Variants in ANK2 observed in about 807,000 individuals in gnomAD.
ANK2 encodes the protein ankyrin-2.
A neutral mutation model predicts 360.5 loss-of-function variants in ANK2; 83 were observed. The ratio of observed to expected loss-of-function variants is 0.23; its 90% confidence interval spans 0.19 to 0.28. ANK2 has a LOEUF of 0.28. Among genes scored for constraint, ANK2 ranks in the 10% least tolerant of loss-of-function variants. ANK2 has a pLI of 1.00. For missense variants in ANK2, 4,201 were observed against 4,795.7 expected, an observed-to-expected ratio of 0.88 and a Z score of 3.66; for synonymous variants, 1,740 against 1,759.5, an observed-to-expected ratio of 0.99 and a Z score of 0.28.
Position 112,945,973 on chromosome 4 carries a change from G to T in ANK2, c.21+41459G>T, listed in dbSNP as rs535399641. ...GGGTGGTTCAGGAAACAGTGACTGG[G>T]AGAGAGTTAGTGTAGCTGAGTCAGC... On this transcript the variant is annotated intron_variant, in intron 2 of 30. Transcript: ENST00000503271. Among the ~76,000 whole-genome samples, 22 of 152,316 alleles carry T rather than the reference G, an allele frequency of 1.4e-4. No individual in the cohort carries two copies. The Middle Eastern group carries it at 0.014, about 94-fold the overall frequency.
intron 2 of ANK2, among the ~76,000 whole-genome samples, chr4:113,187,616 TCA>T (rs2098554201): frequency 6.6e-6 from 1 of 152,152 alleles, no homozygotes; most frequent in African/African-American, 2.4e-5. Context: ...AAAGAAAAGC[TCA>T]CAGAGTATAC....
chr4:112,753,422 C>T, the ANK2 span, among the ~76,000 whole-genome samples: 3 of 152,216 alleles, frequency 2.0e-5, no homozygotes, highest in African/African-American at 7.2e-5. Context: ...TTAGAGCCTA[C>T]TACACACCCA....
intron 2 of ANK2, among the ~76,000 whole-genome samples, chr4:113,022,291 C>T (rs77695246): frequency 0.013 from 1,906 of 152,226 alleles, 40 homozygotes; most frequent in African/African-American, 0.043. Context: ...AGAGGAAAAG[C>T]ATTACTTCTA....
At chr4:113,102,251 T>C (rs568495473) in intron 1 of ANK2, among the ~76,000 whole-genome samples, 2 of 152,078 alleles carry the variant, frequency 1.3e-5, no homozygotes, top group African/African-American at 2.4e-5. Flanking sequence ...GAAAAATTTA[T>C]AAGACTCAGG....
the ANK2 span, among the ~76,000 whole-genome samples, chr4:112,808,254 A>G: frequency 6.6e-6 from 1 of 152,234 alleles, no homozygotes; most frequent in African/African-American, 2.4e-5. Context: ...TGGGTTCCCT[A>G]TTTCAAGAGG....
At chr4:113,085,586 C>T (rs976614915) in intron 1 of ANK2, among the ~76,000 whole-genome samples, 2 of 152,124 alleles carry the variant, frequency 1.3e-5, no homozygotes, top group East Asian at 1.9e-4. Flanking sequence ...GGATTACAGA[C>T]GTGAGCCACC....
intron 2 of ANK2, among the ~76,000 whole-genome samples, chr4:112,917,673 A>G (rs572585922): frequency 3.8e-4 from 58 of 152,322 alleles, no homozygotes; most frequent in African/African-American, 1.3e-3. Context: ...GTAGGCTCAG[A>G]AACTAAGTTT....
chr4:113,319,834 T>C (rs751241578), intron 26 of ANK2, among the ~76,000 whole-genome samples: 5 of 152,310 alleles, frequency 3.3e-5, no homozygotes, highest in Admixed American at 1.3e-4. Flanking sequence ...CATTGCATTC[T>C]GCTAATGAAC....
At chr4:112,970,345 C>CTAACTAAT (rs1554026511) in intron 2 of ANK2, among the ~76,000 whole-genome samples, 21 of 151,808 alleles carry the variant, frequency 1.4e-4, no homozygotes, top group Middle Eastern at 6.8e-3. Context: ...TTCATTTTAA[C>CTAACTAAT]TAATTAATTA....
At chr4:113,216,743 C>T (rs1159216050) in intron 4 of ANK2, among the ~76,000 whole-genome samples, 7 of 152,050 alleles carry the variant, frequency 4.6e-5, no homozygotes, top group African/African-American at 1.4e-4. Context: ...ACAAGTATAA[C>T]GAGTGGGCAG....
chr4:113,118,924 T>A (rs2095117534), intron 1 of ANK2, among the ~76,000 whole-genome samples: 1 of 152,208 alleles, frequency 6.6e-6, no homozygotes, highest in East Asian at 1.9e-4. Context: ...TAGAGTACCA[T>A]GCATACACCT....
At chr4:113,282,998 C>T in intron 18 of ANK2, 126 bp downstream of exon 18, 3 of 1,067,554 alleles carry the variant, frequency 2.8e-6, no homozygotes, top group Non-Finnish European at 4.2e-6. Context: ...TTACAGACCC[C>T]AAGGACAGGA....
At chr4:112,822,829 A>G (rs2057498995) in intron 1 of ANK2, among the ~76,000 whole-genome samples, 1 of 152,064 alleles carries the variant, frequency 6.6e-6, no homozygotes, top group Non-Finnish European at 1.5e-5. Context: ...TTTCAGATTA[A>G]TTTTTTCCCT....
chr4:113,170,508 C>A (rs1046010736), intron 1 of ANK2, among the ~76,000 whole-genome samples: 2 of 152,102 alleles, frequency 1.3e-5, no homozygotes, highest in African/African-American at 2.4e-5. Context: ...TGTTTATACT[C>A]ACATATAGGG....
chr4:112,877,933 A>C (rs1356904839), intron 1 of ANK2, among the ~76,000 whole-genome samples: 1 of 152,174 alleles, frequency 6.6e-6, no homozygotes, highest in East Asian at 1.9e-4. Context: ...TCTCCCATCC[A>C]TAATCATGGT....
intron 8 of ANK2, among the ~76,000 whole-genome samples, chr4:113,241,163 C>CA (rs1283771280): frequency 1.6e-4 from 24 of 151,992 alleles, no homozygotes; most frequent in African/African-American, 5.1e-4. Flanking sequence ...TTACAACAGA[C>CA]AAAAAATCAG....
At chr4:113,225,671 G>C (rs961115496) in intron 4 of ANK2, among the ~76,000 whole-genome samples, 1 of 152,014 alleles carries the variant, frequency 6.6e-6, no homozygotes, top group South Asian at 2.1e-4. Flanking sequence ...ATTTTTCTCT[G>C]TATAATTTCT....
chr4:113,131,803 A>G (rs2096055953), intron 1 of ANK2, among the ~76,000 whole-genome samples: 1 of 152,224 alleles, frequency 6.6e-6, no homozygotes, highest in African/African-American at 2.4e-5. Flanking sequence ...GATCTTTGTG[A>G]TTCCACATAT....
At chr4:113,245,241 C>T (rs2042220745) in intron 9 of ANK2, among the ~76,000 whole-genome samples, 1 of 152,080 alleles carries the variant, frequency 6.6e-6, no homozygotes, top group Non-Finnish European at 1.5e-5. Context: ...AAATCAAGGA[C>T]TGTGGGCTGG....
Sources: allele counts gnomAD v4.1 joint callset (sites outside exome capture counted in the v4.1 genomes callset), GRCh38; gene constraint gnomAD v4.1.1; transcripts MANE v1.5; gene names NCBI Gene and HGNC (gene_info 2026-07-23, HGNC 2026-07-21).